PRKAG2: variants seen among roughly 807,000 people sequenced by gnomAD.
The protein encoded by PRKAG2 is protein kinase AMP-activated non-catalytic subunit gamma 2.
A neutral mutation model predicts 69.6 loss-of-function variants in PRKAG2; 26 were observed. The ratio of observed to expected loss-of-function variants is 0.37; its 90% CI spans 0.27 to 0.52. PRKAG2 has a LOEUF of 0.52. Ranked by LOEUF, PRKAG2 falls within the 20% of genes least tolerant of loss-of-function variation. The pLI is 0.90. For synonymous variants in PRKAG2, 293 were observed against 285.0 expected (o/e 1.03, Z -0.28); for missense variants, 557 against 740.0 (o/e 0.75, Z 2.87).
rs556509285 is a variant in PRKAG2 at position 151,835,941 on chromosome 7, G to A, written c.114+40566C>T. 2.0e-5 allele frequency among the ~76,000 whole-genome samples: 3 copies of A among 152,302 alleles called. No homozygotes were observed. The South Asian group carries it at 6.2e-4, about 32-fold the overall frequency. On this transcript the variant is annotated intron_variant, in intron 1 of 15. Coordinates refer to ENST00000287878, the MANE Select transcript of PRKAG2 (RefSeq NM_016203.4). The surrounding 1 kb of genome is among the most constrained non-coding windows in gnomAD (Gnocchi z 4.1). ...AGGCATCGGAGATGGGGACTGTGAC[G>A]AGGCCAATCCACGGGCATTGATTGC...
chr7:151,666,700 A>G (rs1831093352), intron 4 of PRKAG2, among the ~76,000 whole-genome samples: 2 of 152,128 alleles, frequency 1.3e-5, no homozygotes, highest in East Asian at 3.8e-4. Context: ...CAAGCTAGTG[A>G]TGGCTGTTGG....
chr7:151,870,781 G>A (rs1030651853), intron 1 of PRKAG2, among the ~76,000 whole-genome samples: 13 of 152,228 alleles, frequency 8.5e-5, no homozygotes, highest in African/African-American at 2.9e-4. Context: ...TCGCAGCGCG[G>A]GGCTTCCCTT....
At chr7:151,826,137 TTC>T (rs1692309255) in intron 1 of PRKAG2, among the ~76,000 whole-genome samples, 1 of 151,836 alleles carries the variant, frequency 6.6e-6, no homozygotes, top group African/African-American at 2.4e-5. Context: ...CACCCATCCA[TTC>T]TCTCTTTCTC....
At chr7:151,558,811 A>G in intron 15 of PRKAG2, 1 of 985,448 alleles carries the variant, frequency 1.0e-6, no homozygotes, top group Non-Finnish European at 1.2e-6. Context: ...GGGCATTGCA[A>G]TGACTTAGAA....
intron 3 of PRKAG2, among the ~76,000 whole-genome samples, chr7:151,709,649 T>C (rs1689217203): frequency 6.6e-6 from 1 of 151,836 alleles, no homozygotes; most frequent in African/African-American, 2.4e-5. Flanking sequence ...AGTGACATGA[T>C]ATATGTGACA....
intron 3 of PRKAG2, chr7:151,736,374 T>G: frequency 1.0e-6 from 1 of 952,998 alleles, no homozygotes; most frequent in Non-Finnish European, 1.2e-6. Context: ...TCACTGATAC[T>G]CTCCAGGGCT....
intron 1 of PRKAG2, among the ~76,000 whole-genome samples, chr7:151,875,332 T>G (rs2080361357): frequency 6.6e-6 from 1 of 151,922 alleles, no homozygotes; most frequent in African/African-American, 2.4e-5. Flanking sequence ...TGGGCCGGAG[T>G]TTACACAGGA....
intron 1 of PRKAG2, among the ~76,000 whole-genome samples, chr7:151,866,284 A>G (rs1014948438): frequency 1.3e-5 from 2 of 152,206 alleles, no homozygotes; most frequent in Non-Finnish European, 2.9e-5. Context: ...CATCTGGGCC[A>G]TAGCCAAGCA....
At chr7:151,721,859 A>C (rs1797172041) in intron 3 of PRKAG2, among the ~76,000 whole-genome samples, 1 of 152,014 alleles carries the variant, frequency 6.6e-6, no homozygotes, top group Admixed American at 6.5e-5. Context: ...ACTCTGTACA[A>C]ACACTACACA....
At chr7:151,693,491 C>T (rs1346122329) in intron 3 of PRKAG2, among the ~76,000 whole-genome samples, 1 of 152,252 alleles carries the variant, frequency 6.6e-6, no homozygotes, top group Non-Finnish European at 1.5e-5. Flanking sequence ...TATGCAATGG[C>T]TGCACCTTGA....
At chr7:151,874,946 G>A (rs2080351256) in intron 1 of PRKAG2, among the ~76,000 whole-genome samples, 1 of 152,076 alleles carries the variant, frequency 6.6e-6, no homozygotes, top group African/African-American at 2.4e-5. Context: ...TTCAATATCC[G>A]TATAAAGCAG....
intron 3 of PRKAG2, among the ~76,000 whole-genome samples, chr7:151,701,391 C>T (rs1837659699): frequency 6.6e-6 from 1 of 152,136 alleles, no homozygotes; most frequent in African/African-American, 2.4e-5. Context: ...TGACCTTAGA[C>T]ATAGGGTCAT....
intron 1 of PRKAG2, among the ~76,000 whole-genome samples, chr7:151,863,316 T>G (rs1391165942): frequency 6.6e-6 from 1 of 151,946 alleles, no homozygotes; most frequent in Non-Finnish European, 1.5e-5. Flanking sequence ...GGCTGAGACT[T>G]GCCCTCACCC....
At chr7:151,862,769 G>A (rs2079963882) in intron 1 of PRKAG2, among the ~76,000 whole-genome samples, 1 of 152,186 alleles carries the variant, frequency 6.6e-6, no homozygotes, top group Non-Finnish European at 1.5e-5. Context: ...AGCACTGGTA[G>A]GTCCCCAAGT....
chr7:151,760,807 G>C (rs1294353012), intron 3 of PRKAG2, among the ~76,000 whole-genome samples: 1 of 152,188 alleles, frequency 6.6e-6, no homozygotes, highest in African/African-American at 2.4e-5. Context: ...CCAGCCCTCT[G>C]TCTGGAAGAT....
At position 151,807,362 on chromosome 7, in the gene PRKAG2, T is replaced by C. The variant is rs2151846969; in HGVS notation, c.115-20821A>G. On this transcript the variant is annotated intron_variant, in intron 1 of 15. Coordinates refer to ENST00000287878, the MANE Select transcript of PRKAG2 (RefSeq NM_016203.4). This position sits in a 1 kb window ranked among gnomAD's most constrained non-coding sequence, Gnocchi z 4.4. ...GAATCCTGGAATACTCCATGTGCTTTTTCATGCAGCGGGAGTGGAATTTTC... is the reference window on the plus strand; with the variant it reads ...GAATCCTGGAATACTCCATGTGCTTCTTCATGCAGCGGGAGTGGAATTTTC... The C allele has an allele frequency of 2.2e-6, 1 of 453,344 alleles. No individual in the cohort carries two copies. 28.1% of individuals were successfully genotyped at this position (453,344 alleles called of 1,614,324 possible).
rs929346070 is a variant in PRKAG2, at chr7:151,719,068, C to T, written c.467-43431G>A. On this transcript the variant is annotated intron_variant, in intron 3 of 15. Transcript: ENST00000287878. This position sits in a 1 kb window ranked among gnomAD's most constrained non-coding sequence, Gnocchi z 5.2. ...TAAGCCCCTGATAAGTACAAGGCCC[C>T]GAACTCAGGGAAATGGAGGGGACTG... Among the ~76,000 whole-genome samples, 3 of 152,150 alleles carry T rather than the reference C, an allele frequency of 2.0e-5. No homozygotes were observed. Among genetic ancestry groups the T allele is most frequent in the South Asian group, 2.1e-4 (1 of 4,800 alleles).
intron 1 of PRKAG2, among the ~76,000 whole-genome samples, chr7:151,789,762 G>A (rs867189154): frequency 7.9e-5 from 12 of 152,174 alleles, no homozygotes; most frequent in African/African-American, 2.4e-4. Context: ...GCGGTACAGC[G>A]AGGGCATTTG....
intron 3 of PRKAG2, among the ~76,000 whole-genome samples, chr7:151,737,956 C>T (rs1177970361): frequency 2.5e-5 from 3 of 120,028 alleles, no homozygotes; most frequent in African/African-American, 6.7e-5. Context: ...CCTCCATCCA[C>T]AGAAGCCAGA....
Sources: gnomAD v4.1 joint callset for allele counts (sites outside exome capture counted in the v4.1 genomes callset) on GRCh38, gnomAD v4.1.1 for gene constraint, Gnocchi (gnomAD v3.1) non-coding constraint, MANE v1.5 for transcripts, NCBI Gene and HGNC (gene_info 2026-07-23, HGNC 2026-07-21) for gene names.